The following PCDH15 variants were observed in gnomAD, a reference collection of about 807,000 sequenced individuals.
PCDH15 encodes the protein protocadherin related 15.
Under a neutral mutation model 178.5 loss-of-function variants are expected in PCDH15, and 129 were observed. The observed-to-expected ratio is 0.72, with a 90% CI of 0.63 to 0.84. The LOEUF (loss-of-function observed/expected upper bound fraction) is 0.84. Ranked by LOEUF, PCDH15 falls within the 40% of genes least tolerant of loss-of-function variation. PCDH15 has a pLI of 0.00. For synonymous variants in PCDH15, 800 were observed against 732.0 expected (o/e 1.09, Z -1.50); for missense variants, 2,230 against 2,099.9 (o/e 1.06, Z -1.21).
rs535415515 is a variant in PCDH15 at position 55,134,033 on chromosome 10, C to T, written c.-80+32543G>A. 2.6e-5 allele frequency among the ~76,000 whole-genome samples: 4 copies of T among 152,174 alleles called. No individual in the cohort carries two copies. The South Asian group carries it at 6.2e-4, about 24-fold the overall frequency. On this transcript the variant is annotated intron_variant, in intron 2 of 5. Coordinates refer to the PCDH15 transcript ENST00000458638. ...AAATTTAATATAAATCATGTCATTC[C>T]TCCACTATATATCCTGCAAAATATA...
At chr10:54,822,640 G>T (rs534296205) in intron 3 of PCDH15, among the ~76,000 whole-genome samples, 2 of 151,884 alleles carry the variant, frequency 1.3e-5, no homozygotes, top group Non-Finnish European at 2.9e-5. Context: ...CCTTTCTTTG[G>T]ATATATACCA....
intron 2 of PCDH15, among the ~76,000 whole-genome samples, chr10:54,641,509 C>T (rs150433093): frequency 1.1e-3 from 169 of 151,874 alleles, no homozygotes; most frequent in African/African-American, 3.7e-3. Flanking sequence ...TATTACATAC[C>T]ACTTTTCCTC....
chr10:54,277,891 A>AAAATG (rs71461227), intron 8 of PCDH15, among the ~76,000 whole-genome samples: 73,854 of 150,616 alleles, frequency 0.49, 19,061 homozygotes, highest in Middle Eastern at 0.59. Context: ...TATGGTTTGA[A>AAAATG]AAATGGAAAG....
At chr10:54,617,632 G>C (rs1377186745) in intron 2 of PCDH15, among the ~76,000 whole-genome samples, 2 of 151,086 alleles carry the variant, frequency 1.3e-5, no homozygotes, top group East Asian at 3.9e-4. Flanking sequence ...TTAAAAAGTA[G>C]CTTAAAAGAA....
chr10:55,438,202 TACACAC>T (rs71463103), intron 2 of PCDH15, among the ~76,000 whole-genome samples: 3 of 149,556 alleles, frequency 2.0e-5, no homozygotes, highest in African/African-American at 4.9e-5. Flanking sequence ...GAACATGTTA[TACACAC>T]ACACACACAC....
chr10:55,152,432 T>C (rs1222371105), intron 2 of PCDH15, among the ~76,000 whole-genome samples: 1 of 152,182 alleles, frequency 6.6e-6, no homozygotes, highest in African/African-American at 2.4e-5. Flanking sequence ...CAATTCATTT[T>C]AATGGGTATA....
chr10:54,389,647 C>T (rs559596470), intron 3 of PCDH15, among the ~76,000 whole-genome samples: 4 of 152,214 alleles, frequency 2.6e-5, no homozygotes, highest in African/African-American at 9.6e-5. Flanking sequence ...GTTTAAATAG[C>T]CATCCATGAG....
intron 8 of PCDH15, among the ~76,000 whole-genome samples, chr10:54,308,828 G>T (rs2060714595): frequency 6.6e-6 from 1 of 150,954 alleles, no homozygotes. Flanking sequence ...ACCACTTTTA[G>T]AATCACAATA....
chr10:53,876,135 T>C (rs893059521), intron 26 of PCDH15, among the ~76,000 whole-genome samples: 2 of 151,962 alleles, frequency 1.3e-5, no homozygotes, highest in Admixed American at 1.3e-4. Flanking sequence ...AAAGCAAAAA[T>C]AACAGAGCTT....
chr10:55,058,317 C>T (rs1841354143), intron 2 of PCDH15, among the ~76,000 whole-genome samples: 1 of 152,082 alleles, frequency 6.6e-6, no homozygotes, highest in Admixed American at 6.6e-5. Flanking sequence ...CTCAAGTGAT[C>T]TTCCCACCTC....
intron 2 of PCDH15, among the ~76,000 whole-genome samples, chr10:55,330,965 G>A (rs1844184996): frequency 6.6e-6 from 1 of 151,370 alleles, no homozygotes; most frequent in South Asian, 2.1e-4. Context: ...AAATTTTGAA[G>A]GATGGAGCAT....
intron 20 of PCDH15, 61 bp downstream of exon 20, chr10:54,020,131 G>T: frequency 7.0e-7 from 1 of 1,419,984 alleles, no homozygotes; most frequent in Non-Finnish European, 9.9e-7. Context: ...ATAATAGAAG[G>T]AACAAAACCT....
At chr10:54,070,384 A>C (rs1188963534) in intron 17 of PCDH15, among the ~76,000 whole-genome samples, 2 of 152,120 alleles carry the variant, frequency 1.3e-5, no homozygotes, top group African/African-American at 4.8e-5. Flanking sequence ...TTGTATTTTT[A>C]GTACAGATGG....
Position 53,888,311 on chromosome 10 carries a change from T to TACGTACATATATATACGTATATATAC in PCDH15, c.3501+14931_3501+14932insGTATATATACGTATATATATGTACGT, listed in dbSNP as rs374182713. ...ATATACATATATATATATATATATGTATATATGTACGTATATATATGTACG... is the reference window on the plus strand; with the variant it reads ...ATATACATATATATATATATATATGTACGTACATATATATACGTATATATACATATATGTACGTATATATATGTACG... On this transcript the variant is annotated intron_variant, in intron 26 of 37. Coordinates refer to ENST00000644397, the MANE Select transcript of PCDH15 (RefSeq NM_001384140.1). Among the ~76,000 whole-genome samples the TACGTACATATATATACGTATATATAC allele has an allele frequency of 4.0e-3, 166 of 41,824 alleles. 11 individuals carry two copies. The highest frequency in any genetic ancestry group is 0.015 in the African/African-American group (157 of 10,174). 27.4% of individuals were successfully genotyped at this position (41,824 alleles called of 152,430 possible).
intron 3 of PCDH15, among the ~76,000 whole-genome samples, chr10:54,890,734 G>A (rs978976246): frequency 4.6e-5 from 7 of 151,938 alleles, no homozygotes; most frequent in African/African-American, 1.5e-4. Flanking sequence ...TTATTTTTCA[G>A]CTTCCTACAG....
chr10:54,295,946 C>A (rs1378911078), intron 8 of PCDH15, among the ~76,000 whole-genome samples: 19 of 150,746 alleles, frequency 1.3e-4, no homozygotes, highest in Non-Finnish European at 2.2e-4. Context: ...AGATCGAGAC[C>A]ATCCCGGCTA....
intron 32 of PCDH15, chr10:53,821,816 G>A (rs749050752): frequency 1.2e-6 from 2 of 1,608,424 alleles, no homozygotes; most frequent in Non-Finnish European, 1.7e-6. Flanking sequence ...TGAAGACTAT[G>A]ATCAACAAGA....
At chr10:54,275,810 A>T (rs2058322272) in intron 8 of PCDH15, among the ~76,000 whole-genome samples, 1 of 151,742 alleles carries the variant, frequency 6.6e-6, no homozygotes, top group South Asian at 2.1e-4. Context: ...AATCCAGGCC[A>T]CTACAAATGA....
At chr10:54,443,368 T>A (rs1376085910) in intron 3 of PCDH15, among the ~76,000 whole-genome samples, 2 of 149,628 alleles carry the variant, frequency 1.3e-5, no homozygotes, top group Non-Finnish European at 3.0e-5. Context: ...AAATGGGAAG[T>A]TTTTTTTCAT....
Sources: allele counts gnomAD v4.1 joint callset (sites outside exome capture counted in the v4.1 genomes callset), GRCh38; gene constraint gnomAD v4.1.1; transcripts MANE v1.5; gene names NCBI Gene and HGNC (gene_info 2026-07-23, HGNC 2026-07-21).